Variants in ADARB2 observed in about 807,000 individuals in gnomAD.
The protein encoded by ADARB2 is adenosine deaminase RNA specific B2 (inactive), also known as inactive double-stranded RNA-specific editase B2.
ADARB2 carries 25 observed loss-of-function variants against 62.2 expected under a neutral mutation model. That is an observed-to-expected ratio of 0.40 (90% CI 0.29 to 0.56). ADARB2 has a LOEUF of 0.56. ADARB2 is among the 20% of genes least tolerant of loss of function. ADARB2 has a pLI of 0.43. For synonymous variants in ADARB2, 572 were observed against 500.8 expected (o/e 1.14, Z -1.90); for missense variants, 1,071 against 1,077.4 (o/e 0.99, Z 0.08).
At chr10:1,510,728 T>G (rs1831925998) in intron 1 of ADARB2, among the ~76,000 whole-genome samples, 1 of 151,942 alleles carries the variant, frequency 6.6e-6, no homozygotes, top group South Asian at 2.1e-4. Context: ...GACTAATGAC[T>G]CCCCCACCCC....
chr10:1,709,199 G>T (rs1834924682), intron 1 of ADARB2, among the ~76,000 whole-genome samples: 1 of 152,180 alleles, frequency 6.6e-6, no homozygotes, highest in Admixed American at 6.5e-5. Flanking sequence ...CAGTGTTTGT[G>T]CTAAGTCTCT....
chr10:1,698,259 TGA>T (rs1834773253), intron 1 of ADARB2, among the ~76,000 whole-genome samples: 2 of 152,198 alleles, frequency 1.3e-5, no homozygotes, highest in Admixed American at 1.3e-4. Context: ...TCCCCTACAC[TGA>T]AGATGCCACC....
chr10:1,663,043 G>A (rs915649425), intron 1 of ADARB2, among the ~76,000 whole-genome samples: 1 of 152,208 alleles, frequency 6.6e-6, no homozygotes, highest in African/African-American at 2.4e-5. Context: ...GTGATTAGCT[G>A]CAATGTTCAA....
intron 1 of ADARB2, among the ~76,000 whole-genome samples, chr10:1,485,528 G>T (rs1831528999): frequency 6.6e-6 from 1 of 152,112 alleles, no homozygotes; most frequent in African/African-American, 2.4e-5. Flanking sequence ...GCCAGTCTCT[G>T]GCCGCTGCCC....
At chr10:1,610,952 G>T (rs1833563491) in intron 1 of ADARB2, among the ~76,000 whole-genome samples, 1 of 152,028 alleles carries the variant, frequency 6.6e-6, no homozygotes, top group South Asian at 2.1e-4. Flanking sequence ...CATGAATTTT[G>T]GGGACCTATT....
intron 1 of ADARB2, among the ~76,000 whole-genome samples, chr10:1,549,547 C>G (rs538633802): frequency 2.0e-5 from 3 of 152,070 alleles, no homozygotes; most frequent in African/African-American, 4.8e-5. Context: ...TAAGAGAAGA[C>G]GCTGCCTCCT....
intron 1 of ADARB2, among the ~76,000 whole-genome samples, chr10:1,518,599 T>A (rs1327648334): frequency 6.6e-6 from 1 of 152,096 alleles, no homozygotes; most frequent in South Asian, 2.1e-4. Flanking sequence ...CCGTGTAACA[T>A]CTGCACATGG....
intron 3 of ADARB2, among the ~76,000 whole-genome samples, chr10:1,332,188 G>A (rs1039305025): frequency 8.5e-5 from 13 of 152,218 alleles, no homozygotes; most frequent in African/African-American, 3.1e-4. Context: ...CAGACTGCCT[G>A]AGCCCAGGAA....
Position 1,737,320 on chromosome 10 carries a change from A to C in ADARB2, c.-170T>G, listed in dbSNP as rs1053517532. On this transcript the variant is annotated 5_prime_UTR_variant, in exon 1 of 10. Coordinates refer to ENST00000381312, the MANE Select transcript of ADARB2 (RefSeq NM_018702.4). ...CGCGCTCCGTCTCTCTGTCTCTCGA[A>C]TTGTTCTCTATGACTTGCTCCCACT... The C allele has an allele frequency of 1.6e-6, 1 of 639,380 alleles. No homozygotes were observed. The highest frequency in any genetic ancestry group is 1.8e-5 in the African/African-American group (1 of 54,762). 39.6% of individuals were successfully genotyped at this position (639,380 alleles called of 1,614,324 possible).
intron 8 of ADARB2, among the ~76,000 whole-genome samples, chr10:1,187,137 A>G (rs1432862204): frequency 1.3e-5 from 2 of 152,184 alleles, no homozygotes; most frequent in African/African-American, 4.8e-5. Context: ...CGTTCATGTC[A>G]GCTCTTCCTT....
At chr10:1,551,533 C>T (rs1205140227) in intron 1 of ADARB2, among the ~76,000 whole-genome samples, 1 of 152,166 alleles carries the variant, frequency 6.6e-6, no homozygotes, top group Non-Finnish European at 1.5e-5. Flanking sequence ...GGCGGCTGTC[C>T]CTCTGCCCGC....
At chr10:1,541,060 C>T (rs1832417514) in intron 1 of ADARB2, among the ~76,000 whole-genome samples, 1 of 80,424 alleles carries the variant, frequency 1.2e-5, no homozygotes, top group Non-Finnish European at 2.6e-5. Context: ...GGATCACAGC[C>T]GCCCAGACCC....
intron 1 of ADARB2, among the ~76,000 whole-genome samples, chr10:1,589,623 G>A (rs1488797428): frequency 6.6e-6 from 1 of 152,228 alleles, no homozygotes; most frequent in Non-Finnish European, 1.5e-5. Flanking sequence ...AAGCCTGCTG[G>A]CTTCTGTCCT....
intron 3 of ADARB2, among the ~76,000 whole-genome samples, chr10:1,339,147 G>T (rs529140853): frequency 6.6e-6 from 1 of 152,178 alleles, no homozygotes; most frequent in South Asian, 2.1e-4. Context: ...GTGCTGAGCC[G>T]AGATGTCTTC....
chr10:1,233,410 C>T lies in ADARB2; in HGVS notation c.1513+284G>A, dbSNP rs186401979. 2.0e-5 allele frequency among the ~76,000 whole-genome samples: 3 copies of T among 152,328 alleles called. No individual in the cohort carries two copies. The East Asian group carries it at 5.8e-4, about 29-fold the overall frequency. On this transcript the variant is annotated intron_variant, in intron 6 of 9. Coordinates refer to ENST00000381312, the MANE Select transcript of ADARB2 (RefSeq NM_018702.4). ...TGGCCTTCCCTTCATTCCATTTTCC[C>T]AGCCCAGGACACAGGGATTGTCTGA...
intron 8 of ADARB2, among the ~76,000 whole-genome samples, chr10:1,193,828 G>T (rs934080794): frequency 2.6e-5 from 4 of 152,156 alleles, no homozygotes; most frequent in Non-Finnish European, 4.4e-5. Context: ...CTCCTTTGAA[G>T]TGAGTTTGTC....
intron 8 of ADARB2, among the ~76,000 whole-genome samples, chr10:1,197,226 G>A (rs2131740378): frequency 6.6e-6 from 1 of 152,230 alleles, no homozygotes; most frequent in South Asian, 2.1e-4. Flanking sequence ...AATTAAAGAG[G>A]TCTGATACTC....
chr10:1,210,415 TG>T (rs1837135442), intron 7 of ADARB2, among the ~76,000 whole-genome samples: 1 of 152,188 alleles, frequency 6.6e-6, no homozygotes, highest in African/African-American at 2.4e-5. Context: ...CCCGGCCTCG[TG>T]TGGGATGAGA....
intron 1 of ADARB2, among the ~76,000 whole-genome samples, chr10:1,423,235 C>G (rs1228469356): frequency 6.6e-6 from 1 of 152,236 alleles, no homozygotes; most frequent in Non-Finnish European, 1.5e-5. Flanking sequence ...CAGCTTCACG[C>G]CATTGCTTAC....
Sources: gnomAD v4.1 joint callset for allele counts (sites outside exome capture counted in the v4.1 genomes callset) on GRCh38, gnomAD v4.1.1 for gene constraint, MANE v1.5 for transcripts, NCBI Gene and HGNC (gene_info 2026-07-23, HGNC 2026-07-21) for gene names.